PPP4R1: variants seen among roughly 807,000 people sequenced by gnomAD.
PPP4R1 encodes the protein protein phosphatase 4 regulatory subunit 1.
PPP4R1 carries 42 observed loss-of-function variants against 111.2 expected under a neutral mutation model. That is an observed-to-expected ratio of 0.38 (90% confidence interval 0.29 to 0.49). The LOEUF (loss-of-function observed/expected upper bound fraction) is 0.49. Ranked by LOEUF, PPP4R1 falls within the 20% of genes least tolerant of loss-of-function variation. The pLI is 0.97. For synonymous variants in PPP4R1, 409 were observed against 405.5 expected, an observed-to-expected ratio of 1.01 and a Z score of -0.10; for missense variants, 1,012 against 1,161.6, an observed-to-expected ratio of 0.87 and a Z score of 1.87.
Position 9,570,296 on chromosome 18 carries a change from T to C in PPP4R1, c.1434A>G (p.Gly478=). The change falls in exon 11 of 20, where the codon GGA becomes GGG. Residue 478 remains glycine, a synonymous_variant. Coordinates refer to ENST00000400556, the MANE Select transcript of PPP4R1 (RefSeq NM_001042388.3). The stretch of plus-strand genomic sequence containing the variant: ...CCTCTGGTCCCTCTGGGCTGGGTTT[T>C]CCCCCAGAGTTCTGTTCAAGCTCTA... The part of the protein sequence containing the change: ...LDIELEQNSG[G]KPSPEGPEEE... The C allele has an allele frequency of 1.2e-6, 2 of 1,612,270 alleles. No individual in the cohort carries two copies. Among genetic ancestry groups the C allele is most frequent in the East Asian group, 2.2e-5 (1 of 44,840 alleles).
chr18:9,575,493 C>G (rs1464877471), intron 10 of PPP4R1, among the ~76,000 whole-genome samples: 2 of 152,186 alleles, frequency 1.3e-5, no homozygotes, highest in Non-Finnish European at 2.9e-5. Flanking sequence ...CAGGAATGCT[C>G]TCTTTCCCCT....
At chr18:9,603,831 A>G (rs2067433583) in intron 2 of PPP4R1, among the ~76,000 whole-genome samples, 1 of 152,162 alleles carries the variant, frequency 6.6e-6, no homozygotes, top group African/African-American at 2.4e-5. Context: ...AAGAAATGTG[A>G]CTGGGCAATC....
At chr18:9,586,862 T>C (rs558594962) in intron 6 of PPP4R1, among the ~76,000 whole-genome samples, 1 of 152,288 alleles carries the variant, frequency 6.6e-6, no homozygotes, top group Non-Finnish European at 1.5e-5. Context: ...CAGATACTAC[T>C]CTATACTAAT....
intron 10 of PPP4R1, among the ~76,000 whole-genome samples, chr18:9,576,753 AC>A (rs1244067507): frequency 1.7e-4 from 11 of 66,636 alleles, no homozygotes; most frequent in African/African-American, 6.8e-4. Context: ...TGAATGATTG[AC>A]TAAATAATGT....
chr18:9,584,484 C>T (rs1598932201), intron 8 of PPP4R1, 31 bp downstream of exon 8: 1 of 1,577,462 alleles, frequency 6.3e-7, no homozygotes, highest in Non-Finnish European at 8.6e-7. Flanking sequence ...GTAACACACA[C>T]TGTTTACTCC....
intron 10 of PPP4R1, among the ~76,000 whole-genome samples, chr18:9,574,866 A>G (rs2066913999): frequency 6.6e-6 from 1 of 152,260 alleles, no homozygotes; most frequent in African/African-American, 2.4e-5. Flanking sequence ...AAGTACAAAA[A>G]CAGGGAGAAT....
At chr18:9,606,232 G>C (rs2067479315) in intron 2 of PPP4R1, among the ~76,000 whole-genome samples, 1 of 152,154 alleles carries the variant, frequency 6.6e-6, no homozygotes, top group African/African-American at 2.4e-5. Flanking sequence ...AAATGTTACA[G>C]ACCTTGGATT....
intron 19 of PPP4R1, 116 bp downstream of exon 19, chr18:9,549,081 C>G (rs948750224): frequency 7.6e-7 from 1 of 1,307,758 alleles, no homozygotes; most frequent in Non-Finnish European, 1.1e-6. Context: ...TATTTCCTTC[C>G]ACCAGATTAT....
chr18:9,615,827 G>A (rs749029639), upstream of PPP4R1, among the ~76,000 whole-genome samples: 1 of 152,194 alleles, frequency 6.6e-6, no homozygotes, highest in Non-Finnish European at 1.5e-5. Flanking sequence ...TGCCACTGAA[G>A]ATTTAAGAGA....
Position 9,558,771 on chromosome 18 carries a change from C to CT in PPP4R1, c.2028+647dup, listed in dbSNP as rs1568089095. On this transcript the variant is annotated intron_variant, in intron 14 of 19. Coordinates refer to ENST00000400556, the MANE Select transcript of PPP4R1 (RefSeq NM_001042388.3). Reference sequence around the variant, plus strand: ...ACAGGTGTGTTCAAAGAGGGGCAAACTTTGTTTATACAGAAATCAGCCCTG... The same window carrying CT: ...ACAGGTGTGTTCAAAGAGGGGCAAACTTTTGTTTATACAGAAATCAGCCCTG... Among the ~76,000 whole-genome samples, 3 of 149,886 alleles carry CT rather than the reference C, an allele frequency of 2.0e-5. No individual in the cohort carries two copies. The South Asian group carries it at 6.3e-4, about 32-fold the overall frequency.
intron 10 of PPP4R1, among the ~76,000 whole-genome samples, chr18:9,571,268 T>C (rs1427708630): frequency 1.3e-5 from 2 of 152,226 alleles, no homozygotes; most frequent in African/African-American, 4.8e-5. Context: ...AAAATATTCA[T>C]CTCTACTCCC....
At chr18:9,600,276 T>C (rs11081486) in intron 2 of PPP4R1, among the ~76,000 whole-genome samples, 23,483 of 145,762 alleles carry the variant, frequency 0.16, 2,469 homozygotes, top group African/African-American at 0.31. Flanking sequence ...AGAAAGATAA[T>C]GGAGAAACTA....
intron 2 of PPP4R1, among the ~76,000 whole-genome samples, chr18:9,608,928 C>T (rs2067530040): frequency 6.6e-6 from 1 of 152,196 alleles, no homozygotes; most frequent in African/African-American, 2.4e-5. Context: ...ATTTATCTTT[C>T]ACAGGCAGGA....
chr18:9,606,099 C>A (rs2067477146), intron 2 of PPP4R1, among the ~76,000 whole-genome samples: 1 of 152,134 alleles, frequency 6.6e-6, no homozygotes, highest in South Asian at 2.1e-4. Context: ...CATTATTTGA[C>A]CCCAAATTAG....
Position 9,549,347 on chromosome 18 carries a change from G to A in PPP4R1, c.2548-9C>T, listed in dbSNP as rs199964908. 2.9e-4 allele frequency: 462 copies of A among 1,593,442 alleles called. 3 individuals carry two copies. In the East Asian group the frequency reaches 8.4e-3, roughly 29 times the overall value. On this transcript the variant is annotated splice_polypyrimidine_tract_variant and intron_variant, in intron 18 of 19. Coordinates refer to ENST00000400556, the MANE Select transcript of PPP4R1 (RefSeq NM_001042388.3). ...TCATCCTCAATGACAGTCTGGGGAA[G>A]AGAAACAGCTGCTCTAGGCTTCTCT...
intron 8 of PPP4R1, 29 bp from the exon 9 acceptor site, chr18:9,583,304 T>C (rs200254557): frequency 2.1e-5 from 32 of 1,498,438 alleles, no homozygotes; most frequent in Non-Finnish European, 2.8e-5. Context: ...GTCTTGTTAG[T>C]TGGATAAAGA....
chr18:9,603,383 T>C (rs1464853496), intron 2 of PPP4R1, among the ~76,000 whole-genome samples: 1 of 152,184 alleles, frequency 6.6e-6, no homozygotes, highest in Non-Finnish European at 1.5e-5. Flanking sequence ...GATGCCTTTT[T>C]GATAAAATGT....
intron 13 of PPP4R1, among the ~76,000 whole-genome samples, chr18:9,561,683 A>G (rs1474801670): frequency 1.3e-5 from 2 of 152,230 alleles, no homozygotes; most frequent in Non-Finnish European, 2.9e-5. Context: ...GCTGTCTTCA[A>G]TGATAAAAAG....
intron 2 of PPP4R1, among the ~76,000 whole-genome samples, chr18:9,598,463 T>C (rs1276836770): frequency 6.6e-6 from 1 of 152,124 alleles, no homozygotes; most frequent in Admixed American, 6.5e-5. Flanking sequence ...AAAAGAATGA[T>C]AGGAGACTTT....
Sources: gnomAD v4.1 joint callset for allele counts (sites outside exome capture counted in the v4.1 genomes callset) on GRCh38, gnomAD v4.1.1 for gene constraint, MANE v1.5 for transcripts, NCBI Gene and HGNC (gene_info 2026-07-23, HGNC 2026-07-21) for gene names.